EPS15: variants seen among roughly 807,000 people sequenced by gnomAD.
EPS15 encodes the protein epidermal growth factor receptor substrate 15.
EPS15 carries 72 observed loss-of-function variants against 113.8 expected under a neutral mutation model. That is an observed-to-expected ratio of 0.63 (90% CI 0.52 to 0.77). The LOEUF (loss-of-function observed/expected upper bound fraction) is 0.77, where lower values mean the gene tolerates loss of function less well. Ranked by LOEUF, EPS15 falls within the 30% of genes least tolerant of loss-of-function variation. The probability of loss-of-function intolerance (pLI) is 0.00; values close to 1 mark genes in which losing one functional copy is unlikely to be tolerated. For synonymous variants in EPS15, 344 were observed against 363.4 expected (o/e 0.95, Z 0.61); for missense variants, 1,048 against 1,045.8 (o/e 1.00, Z -0.03).
intron 1 of EPS15, among the ~76,000 whole-genome samples, chr1:51,517,413 A>G (rs1040823819): frequency 6.6e-6 from 1 of 152,248 alleles, no homozygotes; most frequent in African/African-American, 2.4e-5. Context: ...GCAATTCTCC[A>G]GAGATGAATG....
intron 19 of EPS15, 124 bp from the exon 20 acceptor site, chr1:51,399,289 G>T: frequency 3.8e-6 from 3 of 793,008 alleles, no homozygotes; most frequent in Non-Finnish European, 5.9e-6. Context: ...AGTGGCTCAC[G>T]TCTGCATTCC....
intron 20 of EPS15, among the ~76,000 whole-genome samples, chr1:51,398,054 ATT>A (rs796357920): frequency 7.0e-5 from 10 of 143,244 alleles, no homozygotes; most frequent in Admixed American, 7.0e-5. Context: ...CAAGATGAAG[ATT>A]TTTTTTTTTT....
intron 21 of EPS15, among the ~76,000 whole-genome samples, chr1:51,382,893 G>C (rs1055006938): frequency 2.6e-5 from 4 of 152,140 alleles, no homozygotes; most frequent in African/African-American, 9.7e-5. Context: ...ATTCTGTGAA[G>C]CCAGTATTAC....
At chr1:51,372,825 C>A in intron 21 of EPS15, 2 of 501,988 alleles carry the variant, frequency 4.0e-6, no homozygotes, top group Non-Finnish European at 6.7e-6. Flanking sequence ...TCTTTACCAG[C>A]TGATCACAAA....
intron 1 of EPS15, among the ~76,000 whole-genome samples, chr1:51,508,186 G>GAGAAAAGAAAAGAAA (rs763482561): frequency 0.048 from 3,914 of 81,032 alleles, 182 homozygotes; most frequent in Admixed American, 0.081. Context: ...GTCACAAAAA[G>GAGAAAAGAAAAGAAA]AGAAAAGAAA....
intron 13 of EPS15, among the ~76,000 whole-genome samples, chr1:51,419,889 T>C (rs1650584519): frequency 6.6e-6 from 1 of 152,130 alleles, no homozygotes; most frequent in South Asian, 2.1e-4. Context: ...GAGTTTTAAT[T>C]ACTGGTAGAT....
At chr1:51,467,967 A>T (rs540394773) in intron 5 of EPS15, among the ~76,000 whole-genome samples, 41 of 151,906 alleles carry the variant, frequency 2.7e-4, no homozygotes, top group African/African-American at 8.7e-4. Context: ...TTATATATAT[A>T]TATTTTTTTA....
rs12081039 is a variant in EPS15 at position 51,515,756 on chromosome 1, T to C, written c.33+3443A>G. On this transcript the variant is annotated intron_variant, in intron 1 of 24. Transcript: ENST00000371733. ...AAAGAACAAAAAATGTAAGGGAGCG[T>C]TGGATAGGCCAAGCATCTAGTACAT... Among the ~76,000 whole-genome samples the C allele has an allele frequency of 2.7e-3, 417 of 152,296 alleles. 3 individuals carry two copies. The highest frequency in any genetic ancestry group is 9.5e-3 in the African/African-American group (395 of 41,556).
At chr1:51,428,948 T>A (rs961685443) in intron 12 of EPS15, among the ~76,000 whole-genome samples, 1 of 151,890 alleles carries the variant, frequency 6.6e-6, no homozygotes, top group Non-Finnish European at 1.5e-5. Context: ...CTGGAGTGCA[T>A]TGGTGTGATC....
At chr1:51,385,413 T>C (rs1275322813) in intron 21 of EPS15, among the ~76,000 whole-genome samples, 1 of 152,106 alleles carries the variant, frequency 6.6e-6, no homozygotes, top group Non-Finnish European at 1.5e-5. Context: ...GTAGTAAGGG[T>C]TGGCAAAGAT....
At chr1:51,484,775 T>C (rs1052572827) in intron 1 of EPS15, among the ~76,000 whole-genome samples, 1 of 152,222 alleles carries the variant, frequency 6.6e-6, no homozygotes, top group African/African-American at 2.4e-5. Flanking sequence ...GGTGCTCCTG[T>C]TGGTTACCTG....
intron 1 of EPS15, among the ~76,000 whole-genome samples, chr1:51,503,430 G>A (rs1021233732): frequency 3.3e-5 from 5 of 152,186 alleles, no homozygotes; most frequent in Non-Finnish European, 7.3e-5. Context: ...AAAGTCGGGA[G>A]TTTGAGACCA....
chr1:51,397,361 T>C (rs1044326737), intron 20 of EPS15: 2 of 152,198 alleles, frequency 1.3e-5, no homozygotes, highest in African/African-American at 4.8e-5. Context: ...GCAAGGACAA[T>C]ATTCCTTTAG....
intron 10 of EPS15, among the ~76,000 whole-genome samples, chr1:51,445,893 G>T (rs982775202): frequency 5.3e-5 from 8 of 152,162 alleles, no homozygotes; most frequent in Non-Finnish European, 1.0e-4. Flanking sequence ...TTAAAGACAG[G>T]ATATATAAAA....
chr1:51,476,555 AT>A (rs2148517133), intron 2 of EPS15, among the ~76,000 whole-genome samples: 1 of 152,150 alleles, frequency 6.6e-6, no homozygotes, highest in African/African-American at 2.4e-5. Flanking sequence ...TCCCTTTATC[AT>A]TTTTTATTGC....
chr1:51,446,035 T>G (rs1180109522), intron 10 of EPS15, among the ~76,000 whole-genome samples: 2 of 152,356 alleles, frequency 1.3e-5, no homozygotes, highest in South Asian at 2.1e-4. Flanking sequence ...TCTTGTTTCT[T>G]TTAAGGCAGA....
intron 1 of EPS15, among the ~76,000 whole-genome samples, chr1:51,498,174 C>T (rs1320410997): frequency 6.6e-6 from 1 of 152,156 alleles, no homozygotes; most frequent in Admixed American, 6.5e-5. Context: ...GATAAATTCA[C>T]TTATCCAACT....
chr1:51,444,244 T>C (rs913642822), intron 11 of EPS15, among the ~76,000 whole-genome samples: 6 of 152,188 alleles, frequency 3.9e-5, no homozygotes, highest in African/African-American at 9.7e-5. Context: ...TGCATCATAC[T>C]AGGAAGGGTT....
At chr1:51,484,502 A>G (rs191245301) in intron 1 of EPS15, among the ~76,000 whole-genome samples, 1 of 152,348 alleles carries the variant, frequency 6.6e-6, no homozygotes, top group Admixed American at 6.5e-5. Context: ...TGGATTTTGT[A>G]TCTCTACTGT....
Sources: allele counts gnomAD v4.1 joint callset (sites outside exome capture counted in the v4.1 genomes callset), GRCh38; gene constraint gnomAD v4.1.1; transcripts MANE v1.5; gene names NCBI Gene and HGNC (gene_info 2026-07-23, HGNC 2026-07-21).